DEPDC5: variants seen among roughly 807,000 people sequenced by gnomAD.
The protein encoded by DEPDC5 is DEP domain containing 5, GATOR1 subcomplex subunit, also known as GATOR1 complex protein DEPDC5.
A neutral mutation model predicts 217.3 loss-of-function variants in DEPDC5; 73 were observed. The ratio of observed to expected loss-of-function variants is 0.34; its 90% CI spans 0.28 to 0.41. The LOEUF (loss-of-function observed/expected upper bound fraction) is 0.41. Ranked by LOEUF, DEPDC5 falls within the 10% of genes least tolerant of loss-of-function variation. The probability of loss-of-function intolerance (pLI) is 1.00; values close to 1 mark genes in which losing one functional copy is unlikely to be tolerated. For synonymous variants in DEPDC5, 733 were observed against 756.7 expected, an observed-to-expected ratio of 0.97 and a Z score of 0.51; for missense variants, 1,675 against 2,070.1, an observed-to-expected ratio of 0.81 and a Z score of 3.70.
chr22:31,873,344 A>G lies in DEPDC5; in HGVS notation c.3563+12A>G. The G allele has an allele frequency of 6.2e-7, 1 of 1,613,242 alleles. No homozygotes were observed. The highest frequency in any genetic ancestry group is 8.5e-7 in the Non-Finnish European group (1 of 1,179,316). On this transcript the variant is annotated intron_variant, in intron 35 of 42. Coordinates refer to ENST00000651528, the MANE Select transcript of DEPDC5 (RefSeq NM_001242896.3). ...ATGAAGCACCCCTCGTAAGTGGCTC[A>G]CCACAGTGTAGGGTTGGAAGGTTCC...
intron 33 of DEPDC5, among the ~76,000 whole-genome samples, chr22:31,865,798 G>A (rs1297732862): frequency 2.6e-5 from 4 of 152,218 alleles, no homozygotes; most frequent in Non-Finnish European, 5.9e-5. Flanking sequence ...TCTTAACCTT[G>A]GAGAACATCT....
At chr22:31,830,630 C>CGTGTGTGTGTGTGTGTGT (rs34078350) in intron 24 of DEPDC5, among the ~76,000 whole-genome samples, 3 of 142,464 alleles carry the variant, frequency 2.1e-5, no homozygotes, top group African/African-American at 5.1e-5. Flanking sequence ...TATGCGTGTA[C>CGTGTGTGTGTGTGTGTGT]GTGTGTGTGT....
intron 2 of DEPDC5, 31 bp downstream of exon 2, chr22:31,755,010 T>G: frequency 6.2e-7 from 1 of 1,613,878 alleles, no homozygotes; most frequent in Non-Finnish European, 8.5e-7. Flanking sequence ...AGAGGTTTTG[T>G]AAGTTGGCTG....
intron 18 of DEPDC5, among the ~76,000 whole-genome samples, chr22:31,808,402 A>G (rs962503965): frequency 6.6e-6 from 1 of 151,768 alleles, no homozygotes; most frequent in African/African-American, 2.4e-5. Flanking sequence ...CTGGGATTAC[A>G]GGTGTGCGCC....
chr22:31,759,772 TC>T (rs775683891), intron 3 of DEPDC5, among the ~76,000 whole-genome samples: 21 of 145,082 alleles, frequency 1.4e-4, no homozygotes, highest in Admixed American at 7.9e-4. Context: ...AACCTCTGCC[TC>T]CTGGGTTCAA....
chr22:31,860,255 T>A (rs941692142), intron 32 of DEPDC5, among the ~76,000 whole-genome samples: 1 of 152,180 alleles, frequency 6.6e-6, no homozygotes, highest in African/African-American at 2.4e-5. Context: ...GAACACTTCA[T>A]GTTAGAATGC....
chr22:31,845,733 A>T (rs2091689243), intron 30 of DEPDC5, among the ~76,000 whole-genome samples: 1 of 151,964 alleles, frequency 6.6e-6, no homozygotes, highest in East Asian at 1.9e-4. Context: ...TTTTTTAAAC[A>T]TATAGTATAA....
At position 31,843,145 on chromosome 22, in the gene DEPDC5, A is replaced by G. The variant is rs772903138; in HGVS notation, c.2566A>G (p.Met856Val). The G allele has an allele frequency of 6.2e-7, 1 of 1,614,150 alleles. No individual in the cohort carries two copies. Among genetic ancestry groups the G allele is most frequent in the Non-Finnish European group, 8.5e-7 (1 of 1,180,026 alleles). Residue 856 changes from methionine to valine, a missense_variant, in exon 28 of 43, where the codon ATG (methionine) becomes GTG (valine). Coordinates refer to ENST00000651528, the MANE Select transcript of DEPDC5 (RefSeq NM_001242896.3). ...GGAGGAGGACCAGTATTGGCTGAGT[A>G]TGGGCAGAACGTTCCACAAAGTGAC... ...PEEEDQYWLS[M>V]GRTFHKVTLK...
chr22:31,836,290 G>C (rs149679914), intron 25 of DEPDC5, among the ~76,000 whole-genome samples: 447 of 152,342 alleles, frequency 2.9e-3, no homozygotes, highest in Non-Finnish European at 4.4e-3. Flanking sequence ...CTGGTTCAAA[G>C]TCTCTGTTGT....
intron 38 of DEPDC5, among the ~76,000 whole-genome samples, chr22:31,889,550 T>TC (rs928191539): frequency 1.4e-5 from 2 of 144,268 alleles, no homozygotes; most frequent in African/African-American, 5.1e-5. Flanking sequence ...TCTTTTTTTT[T>TC]TTTTTTTTTT....
chr22:31,824,161 C>T (rs1175179811), intron 24 of DEPDC5, among the ~76,000 whole-genome samples: 1 of 152,082 alleles, frequency 6.6e-6, no homozygotes, highest in Non-Finnish European at 1.5e-5. Context: ...GCCTGGCCAA[C>T]GTGGTGAAAC....
At chr22:31,865,445 A>G (rs1424524569) in intron 33 of DEPDC5, among the ~76,000 whole-genome samples, 1 of 152,136 alleles carries the variant, frequency 6.6e-6, no homozygotes, top group Non-Finnish European at 1.5e-5. Flanking sequence ...GACAGTGACC[A>G]TGATTGTGCT....
intron 27 of DEPDC5, among the ~76,000 whole-genome samples, chr22:31,840,415 G>A (rs908505743): frequency 6.6e-6 from 1 of 152,210 alleles, no homozygotes. Flanking sequence ...GAATAAGCCG[G>A]AGGTGCAGCC....
At position 31,797,679 on chromosome 22, in the gene DEPDC5, G is replaced by A. The variant is rs1569523754; in HGVS notation, c.847G>A (p.Val283Met). 6.2e-7 allele frequency: 1 copy of A among 1,614,040 alleles called. No individual in the cohort carries two copies. Among genetic ancestry groups the A allele is most frequent in the Non-Finnish European group, 8.5e-7 (1 of 1,179,924 alleles). Reference protein sequence around the residue: ...TIKKLFIQYPVLVRLEQAEGF... With the variant: ...TIKKLFIQYPMLVRLEQAEGF... Reference sequence around the variant, plus strand: ...TAAAAAACTCTTCATCCAGTATCCAGTGTTGGTGCGACTGGAACAGGCAGG... The same window carrying A: ...TAAAAAACTCTTCATCCAGTATCCAATGTTGGTGCGACTGGAACAGGCAGG... Residue 283 changes from valine to methionine, a missense_variant, in exon 13 of 43, where the codon GTG becomes ATG. By Grantham distance (21) the Val-to-Met change is conservative. This residue lies in a region of DEPDC5 where 628 missense variants were observed against 762.1 expected (regional missense o/e 0.82). Coordinates refer to ENST00000651528, the MANE Select transcript of DEPDC5 (RefSeq NM_001242896.3).
chr22:31,771,938 G>A (rs1041230573), intron 7 of DEPDC5, among the ~76,000 whole-genome samples: 4 of 151,936 alleles, frequency 2.6e-5, no homozygotes, highest in African/African-American at 7.3e-5. Context: ...TCATGGTGGC[G>A]CTTGTAGTCC....
intron 24 of DEPDC5, among the ~76,000 whole-genome samples, chr22:31,828,907 T>A (rs1056212060): frequency 6.6e-6 from 1 of 152,208 alleles, no homozygotes; most frequent in Non-Finnish European, 1.5e-5. Flanking sequence ...GAAAGCCGTC[T>A]TGTGGGGGAT....
At chr22:31,813,740 C>T (rs926538812) in intron 20 of DEPDC5, among the ~76,000 whole-genome samples, 5 of 151,770 alleles carry the variant, frequency 3.3e-5, no homozygotes, top group Admixed American at 3.3e-4. Flanking sequence ...CAGACGTGCT[C>T]AAATAGAGAA....
intron 31 of DEPDC5, among the ~76,000 whole-genome samples, chr22:31,847,685 A>G (rs114382647): frequency 0.015 from 2,214 of 152,276 alleles, 50 homozygotes; most frequent in African/African-American, 0.051. Flanking sequence ...ATCCCATGAC[A>G]CGTGGGGATT....
rs537257402 is a variant in DEPDC5 at position 31,846,897 on chromosome 22, A to C, written c.3085A>C (p.Thr1029Pro). The change falls in exon 31 of 43, where the codon ACT becomes CCT. Residue 1029 changes from threonine (T) to proline (P), a missense_variant. Coordinates refer to ENST00000651528, the MANE Select transcript of DEPDC5 (RefSeq NM_001242896.3). ...GPISTHSLES[T>P]APPVGKKGTS... ...CATTTCCACGCATTCTCTGGAGTCA[A>C]CTGCACCCCCAGTGGGGAAGAAGGG... The C allele has an allele frequency of 9.3e-6, 15 of 1,614,114 alleles. No individual in the cohort carries two copies. The highest frequency in any genetic ancestry group is 1.3e-5 in the African/African-American group (1 of 74,946).
Sources: allele counts gnomAD v4.1 joint callset (sites outside exome capture counted in the v4.1 genomes callset), GRCh38; gene constraint gnomAD v4.1.1; regional missense constraint gnomAD v4.1.1; transcripts MANE v1.5; gene names NCBI Gene and HGNC (gene_info 2026-07-23, HGNC 2026-07-21).